The following STOX2 variants were observed in gnomAD, a reference collection of about 807,000 sequenced individuals.
STOX2 encodes storkhead box 2.
STOX2 carries 28 observed loss-of-function variants against 60.9 expected under a neutral mutation model. That is an observed-to-expected ratio of 0.46 (90% CI 0.34 to 0.63). STOX2 has a LOEUF of 0.63. Among genes scored for constraint, STOX2 ranks in the 30% least tolerant of loss-of-function variants. The pLI, the probability that STOX2 is intolerant of heterozygous loss-of-function variation, is 0.01. For synonymous variants in STOX2, 472 were observed against 463.9 expected (o/e 1.02, Z -0.22); for missense variants, 1,024 against 1,187.7 (o/e 0.86, Z 2.03).
chr4:183,827,533 A>G (rs530898986), intron 1 of STOX2, among the ~76,000 whole-genome samples: 1 of 152,156 alleles, frequency 6.6e-6, no homozygotes, highest in South Asian at 2.1e-4. Context: ...ATTGGAGGGA[A>G]TGAGAGAATG....
At chr4:184,016,964 T>C (rs952873260) in intron 3 of STOX2, 125 bp from the exon 4 acceptor site, 2 of 772,214 alleles carry the variant, frequency 2.6e-6, no homozygotes, top group African/African-American at 3.5e-5. Flanking sequence ...GAGATGTATA[T>C]TGATATGACA....
chr4:183,891,299 TATATATATATCTATGATGGA>T (rs1249580618), intron 1 of STOX2, among the ~76,000 whole-genome samples: 657 of 9,026 alleles, frequency 0.073, 8 homozygotes, highest in African/African-American at 0.13. Flanking sequence ...TGATGGAATA[TATATATATATCTATGATGGA>T]ATATATATAT....
At chr4:183,818,523 A>C (rs1739210659) in intron 1 of STOX2, among the ~76,000 whole-genome samples, 1 of 152,178 alleles carries the variant, frequency 6.6e-6, no homozygotes, top group African/African-American at 2.4e-5. Flanking sequence ...CAACAATCTG[A>C]TTTCTCTATC....
chr4:183,963,926 C>T (rs1743486620), intron 1 of STOX2, among the ~76,000 whole-genome samples: 1 of 152,034 alleles, frequency 6.6e-6, no homozygotes, highest in African/African-American at 2.4e-5. Context: ...CAGGCGCCCA[C>T]CACCACGCCC....
chr4:183,986,704 C>T (rs1274162458), intron 1 of STOX2, among the ~76,000 whole-genome samples: 4 of 152,166 alleles, frequency 2.6e-5, no homozygotes, highest in Non-Finnish European at 5.9e-5. Context: ...TTGTAGCCTC[C>T]CGAGGACAGA....
Position 183,897,362 on chromosome 4 carries a change from T to C in STOX2, c.364+99307T>C, listed in dbSNP as rs1204438078. Among the ~76,000 whole-genome samples the C allele has an allele frequency of 2.0e-5, 3 of 152,226 alleles. No individual in the cohort carries two copies. The East Asian group carries it at 5.8e-4, about 29-fold the overall frequency. ...GGGTGCTTCTGGCTTTGTAGATGAC[T>C]GTATTTTGGTGCTAGCTTTGCTTAC... On this transcript the variant is annotated intron_variant, in intron 1 of 2. Transcript: ENST00000513034.
intron 1 of STOX2, among the ~76,000 whole-genome samples, chr4:183,818,651 C>G (rs1271882558): frequency 6.6e-6 from 1 of 152,182 alleles, no homozygotes; most frequent in Admixed American, 6.5e-5. Flanking sequence ...AGAGGGGCCC[C>G]TCACTTCCCA....
rs1199363509 is a variant in STOX2, at chr4:184,006,685, C to CAAAAA, written c.320-2458_320-2454dup. Reference sequence around the variant, plus strand: ...CCTGCGCAAGGGTGAGACCCTGTCTCAAAAAAAAAAAAAAAAAAAGGAAAA... The same window carrying CAAAAA: ...CCTGCGCAAGGGTGAGACCCTGTCTCAAAAAAAAAAAAAAAAAAAAAAAAGGAAAA... On this transcript the variant is annotated intron_variant, in intron 2 of 3. Coordinates refer to ENST00000308497, the MANE Select transcript of STOX2 (RefSeq NM_020225.3). 1.0e-3 allele frequency among the ~76,000 whole-genome samples: 78 copies of CAAAAA among 76,234 alleles called. 1 individual carries two copies. The highest frequency in any genetic ancestry group is 2.1e-3 in the South Asian group (4 of 1,898). The allele number at this position is 76,234 out of a possible 152,430, so 50.0% of individuals were successfully genotyped here. A position where few individuals can be genotyped will look rare whatever the true frequency, so the allele number is the denominator to read the frequency against.
At chr4:183,925,667 A>G (rs1022523954) in intron 1 of STOX2, among the ~76,000 whole-genome samples, 2 of 152,228 alleles carry the variant, frequency 1.3e-5, no homozygotes, top group African/African-American at 4.8e-5. Context: ...AGACAATGTA[A>G]TACATATAAC....
chr4:184,006,663 G>A (rs568494520), intron 2 of STOX2, among the ~76,000 whole-genome samples: 3 of 129,104 alleles, frequency 2.3e-5, no homozygotes, highest in South Asian at 2.5e-4. Flanking sequence ...ACTCCAGCCT[G>A]CGCAAGGGTG....
chr4:183,940,699 T>C (rs1242009051), intron 1 of STOX2, among the ~76,000 whole-genome samples: 1 of 152,238 alleles, frequency 6.6e-6, no homozygotes, highest in African/African-American at 2.4e-5. Flanking sequence ...TTGTATAAAA[T>C]TTACCCCCTA....
rs1045263284 is a variant in STOX2, at chr4:184,021,436, A to T, written c.*4152A>T. 1 of 93,574 alleles carries T rather than the reference A, an allele frequency of 1.1e-5. No homozygotes were observed. Among genetic ancestry groups the T allele is most frequent in the Non-Finnish European group, 2.1e-5 (1 of 46,978 alleles). The allele number at this position is 93,574 out of a possible 1,614,324, so 5.8% of individuals were successfully genotyped here. A position where few individuals can be genotyped will look rare whatever the true frequency, so the allele number is the denominator to read the frequency against. On this transcript the variant is annotated 3_prime_UTR_variant, in exon 4 of 4. Transcript: ENST00000308497. ...CAAATACATCTTGACACTTTTGTCC[A>T]TTTTCATTAAAAAAAAAAAAGTTCA... is the stretch of plus-strand genomic sequence containing the variant.
chr4:183,851,273 C>G (rs369146553), intron 1 of STOX2, among the ~76,000 whole-genome samples: 1,641 of 13,196 alleles, frequency 0.12, 5 homozygotes, highest in East Asian at 0.14. Context: ...ATGAGAGAAA[C>G]GATGAGGGAA....
Position 184,006,943 on chromosome 4 carries a change from G to A in STOX2, c.320-2215G>A, listed in dbSNP as rs1374992966. 2.6e-3 allele frequency among the ~76,000 whole-genome samples: 365 copies of A among 140,184 alleles called. 3 individuals are homozygous for A. The highest frequency in any genetic ancestry group is 9.1e-3 in the African/African-American group (345 of 38,088). The allele number at this position is 140,184 out of a possible 152,430, so 92.0% of individuals were successfully genotyped here. A position where few individuals can be genotyped will look rare whatever the true frequency, so the allele number is the denominator to read the frequency against. The stretch of plus-strand genomic sequence containing the variant: ...AGGCAGGAGAATGGCGTGAACCCAG[G>A]AGGCGGAGCTTGCAGTGAGCCGAGA... On this transcript the variant is annotated intron_variant, in intron 2 of 3. Transcript: ENST00000308497.
At chr4:183,950,501 G>C (rs766662702) in intron 1 of STOX2, among the ~76,000 whole-genome samples, 2 of 152,238 alleles carry the variant, frequency 1.3e-5, no homozygotes, top group Non-Finnish European at 2.9e-5. Context: ...CAGTGTGGCT[G>C]GAGCTCCTGG....
chr4:183,862,708 T>G (rs1358685519), intron 1 of STOX2, among the ~76,000 whole-genome samples: 1 of 152,162 alleles, frequency 6.6e-6, no homozygotes, highest in Non-Finnish European at 1.5e-5. Flanking sequence ...GATACAGGCT[T>G]TGGGGGCAAA....
At chr4:183,820,766 A>G (rs893511969) in intron 1 of STOX2, among the ~76,000 whole-genome samples, 1 of 152,172 alleles carries the variant, frequency 6.6e-6, no homozygotes, top group Admixed American at 6.5e-5. Context: ...ATGGTTTTTG[A>G]GACATTCAAG....
intron 1 of STOX2, among the ~76,000 whole-genome samples, chr4:183,895,057 A>G (rs1359874909): frequency 6.6e-6 from 1 of 152,216 alleles, no homozygotes; most frequent in East Asian, 1.9e-4. Context: ...ACCAGGCATT[A>G]CGGAGGCAAT....
intron 1 of STOX2, among the ~76,000 whole-genome samples, chr4:183,912,942 G>C (rs1741823157): frequency 6.6e-6 from 1 of 152,196 alleles, no homozygotes; most frequent in Non-Finnish European, 1.5e-5. Flanking sequence ...GTGATTGGTA[G>C]ACAGGACCAA....
Sources: gnomAD v4.1 joint callset for allele counts (sites outside exome capture counted in the v4.1 genomes callset) on GRCh38, gnomAD v4.1.1 for gene constraint, MANE v1.5 for transcripts, NCBI Gene and HGNC (gene_info 2026-07-23, HGNC 2026-07-21) for gene names.